CCDC15: variants seen among roughly 807,000 people sequenced by gnomAD.
CCDC15 encodes coiled-coil domain containing 15.
CCDC15 carries 105 observed loss-of-function variants against 114.5 expected under a neutral mutation model. The observed-to-expected ratio is 0.92, with a 90% confidence interval of 0.78 to 1.08. The LOEUF (loss-of-function observed/expected upper bound fraction) is 1.08. CCDC15 is among the 50% of genes least tolerant of loss of function. The pLI is 0.00. For missense variants in CCDC15, 1,105 were observed against 1,093.6 expected, an observed-to-expected ratio of 1.01 and a Z score of -0.15; for synonymous variants, 334 against 377.8, an observed-to-expected ratio of 0.88 and a Z score of 1.34.
At chr11:124,967,610 T>C (rs12276766) in intron 4 of CCDC15, among the ~76,000 whole-genome samples, 30,820 of 152,042 alleles carry the variant, frequency 0.2, 3,689 homozygotes, top group African/African-American at 0.33. Context: ...TTGTCATTAT[T>C]GACCTTCTGA....
intron 4 of CCDC15, 84 bp from the exon 5 acceptor site, chr11:124,975,012 C>A: frequency 1.4e-6 from 1 of 724,980 alleles, no homozygotes; most frequent in Non-Finnish European, 2.2e-6. Context: ...TAATAGGGAC[C>A]TGTTTTCCTG....
At chr11:124,999,552 A>C (rs974886283) in intron 11 of CCDC15, among the ~76,000 whole-genome samples, 2 of 149,414 alleles carry the variant, frequency 1.3e-5, no homozygotes, top group Admixed American at 1.3e-4. Flanking sequence ...TCATTCTTCT[A>C]TTGAGTCTAT....
chr11:125,040,594 T>C lies in CCDC15; in HGVS notation c.2739T>C (p.Tyr913=). 6.2e-7 allele frequency: 1 copy of C among 1,607,696 alleles called. No individual in the cohort carries two copies. Among genetic ancestry groups the C allele is most frequent in the Non-Finnish European group, 8.5e-7 (1 of 1,176,616 alleles). ...TGTGCAAACCTTTTTTTGCAGCATA[T>C]ACTCGGGCACTACATTCATTCATCA... ...NCIFYKNHRA[Y]TRALHSFINS... The change falls in exon 16 of 16, where the codon TAT becomes TAC. Residue 913 remains tyrosine, a synonymous_variant. Transcript: ENST00000344762.
chr11:124,991,695 CT>C (rs1434849487), intron 9 of CCDC15, 112 bp downstream of exon 9: 28 of 983,158 alleles, frequency 2.8e-5, no homozygotes, highest in Non-Finnish European at 4.0e-5. Flanking sequence ...AATATAGTGG[CT>C]TTTTTCTGAT....
At chr11:124,995,038 T>C (rs1948340939) in intron 11 of CCDC15, among the ~76,000 whole-genome samples, 1 of 152,076 alleles carries the variant, frequency 6.6e-6, no homozygotes, top group African/African-American at 2.4e-5. Context: ...TCTTGGTGAT[T>C]TTTAGTTTGG....
chr11:125,034,852 G>C (rs906246532), intron 13 of CCDC15, among the ~76,000 whole-genome samples: 1 of 151,872 alleles, frequency 6.6e-6, no homozygotes, highest in Non-Finnish European at 1.5e-5. Flanking sequence ...ATATTTGTTG[G>C]TACCAAAATC....
At chr11:125,019,848 T>C (rs932684755) in intron 13 of CCDC15, among the ~76,000 whole-genome samples, 3 of 151,994 alleles carry the variant, frequency 2.0e-5, no homozygotes, top group Admixed American at 6.6e-5. Flanking sequence ...TTGCTCTCTT[T>C]TTTGATACAT....
intron 4 of CCDC15, among the ~76,000 whole-genome samples, 155 bp from the exon 5 acceptor site, chr11:124,974,941 A>G (rs932868445): frequency 2.0e-5 from 3 of 152,244 alleles, no homozygotes; most frequent in Admixed American, 1.3e-4. Context: ...GTACCACACT[A>G]TCAGCACATC....
At chr11:124,960,036 G>A (rs1208592055) in intron 4 of CCDC15, 33 bp downstream of exon 4, 26 of 1,485,026 alleles carry the variant, frequency 1.8e-5, no homozygotes, top group Non-Finnish European at 2.2e-5. Flanking sequence ...TTATGTCTAT[G>A]ATATTTTCCC....
chr11:125,032,706 A>G (rs375132785), intron 13 of CCDC15, among the ~76,000 whole-genome samples: 1 of 152,150 alleles, frequency 6.6e-6, no homozygotes, highest in African/African-American at 2.4e-5. Context: ...CAATCAGCCA[A>G]TGTGGGGGTT....
chr11:124,973,236 T>G (rs1947913433), intron 4 of CCDC15, among the ~76,000 whole-genome samples: 1 of 152,214 alleles, frequency 6.6e-6, no homozygotes, highest in South Asian at 2.1e-4. Context: ...ATGAAAATTC[T>G]GAATCCCTAT....
Position 124,989,378 on chromosome 11 carries a change from T to C in CCDC15, c.1908+1244T>C, listed in dbSNP as rs141001765. 3.4e-3 allele frequency among the ~76,000 whole-genome samples: 524 copies of C among 152,308 alleles called. 2 individuals are homozygous for C. The highest frequency in any genetic ancestry group is 0.012 in the African/African-American group (499 of 41,556). Reference sequence around the variant, plus strand: ...CTGTCATCTTGGCTTTGTTATTCCCTTCACAAAGCACAAGAAAAGTAGATT... The same window carrying C: ...CTGTCATCTTGGCTTTGTTATTCCCCTCACAAAGCACAAGAAAAGTAGATT... On this transcript the variant is annotated intron_variant, in intron 8 of 15. Transcript: ENST00000344762.
chr11:125,004,235 T>C (rs892254557), intron 12 of CCDC15, among the ~76,000 whole-genome samples: 1 of 152,016 alleles, frequency 6.6e-6, no homozygotes, highest in South Asian at 2.1e-4. Flanking sequence ...TAAAGGAAGA[T>C]AATTACTTTA....
intron 13 of CCDC15, among the ~76,000 whole-genome samples, chr11:125,024,211 G>A (rs1948680387): frequency 6.6e-6 from 1 of 151,866 alleles, no homozygotes; most frequent in Non-Finnish European, 1.5e-5. Context: ...AATACTATGA[G>A]GTTCTGATTA....
Position 124,975,179 on chromosome 11 carries a change from T to C in CCDC15, c.600T>C (p.Asp200=). ...AAAAAAAGGGATCAGTGTTTCCAGA[T>C]GATGGAAGGAAAAGCTTTCTTACCA... ...VIKKKGSVFP[D]DGRKSFLTRE... Residue 200 remains aspartate (D), a synonymous_variant, in exon 5 of 16, where the codon GAT becomes GAC. Transcript: ENST00000344762. 2 of 1,596,556 alleles carry C rather than the reference T, an allele frequency of 1.3e-6. No individual in the cohort carries two copies. The highest frequency in any genetic ancestry group is 1.7e-6 in the Non-Finnish European group (2 of 1,173,300).
intron 11 of CCDC15, among the ~76,000 whole-genome samples, chr11:125,003,170 T>C (rs1327390119): frequency 6.6e-6 from 1 of 152,096 alleles, no homozygotes; most frequent in Non-Finnish European, 1.5e-5. Context: ...GTAAATTTTT[T>C]CTTAATTTAC....
chr11:124,963,420 G>T (rs1356858513), intron 4 of CCDC15, among the ~76,000 whole-genome samples: 7 of 152,108 alleles, frequency 4.6e-5, no homozygotes, highest in South Asian at 2.1e-4. Context: ...TCATGTGTCT[G>T]TTGGCTGCAT....
chr11:125,004,304 A>AC (rs1454073964), intron 12 of CCDC15, among the ~76,000 whole-genome samples: 1 of 151,866 alleles, frequency 6.6e-6, no homozygotes, highest in Non-Finnish European at 1.5e-5. Flanking sequence ...ATAGTTCTTA[A>AC]CCCTGGCCAT....
intron 3 of CCDC15, 72 bp from the exon 4 acceptor site, chr11:124,959,743 G>GAAAAT: frequency 1.4e-6 from 1 of 707,108 alleles, no homozygotes; most frequent in Non-Finnish European, 2.1e-6. Context: ...CTTCTGAACT[G>GAAAAT]CTTTAGAGGC....
Sources: gnomAD v4.1 joint callset for allele counts (sites outside exome capture counted in the v4.1 genomes callset) on GRCh38, gnomAD v4.1.1 for gene constraint, MANE v1.5 for transcripts, NCBI Gene and HGNC (gene_info 2026-07-23, HGNC 2026-07-21) for gene names.